ASB13: variants seen among roughly 807,000 people sequenced by gnomAD.
ASB13 encodes ankyrin repeat and SOCS box protein 13.
ASB13 carries 33 observed loss-of-function variants against 28.8 expected under a neutral mutation model. The ratio of observed to expected loss-of-function variants is 1.15; its 90% confidence interval spans 0.87 to 1.53. ASB13 has a LOEUF of 1.53. Among genes scored for constraint, ASB13 ranks in the 40% most tolerant of loss-of-function variants. The pLI is 0.00. For missense variants in ASB13, 414 were observed against 390.1 expected (o/e 1.06, Z -0.52); for synonymous variants, 182 against 172.9 (o/e 1.05, Z -0.41).
chr10:5,660,040 G>A lies in ASB13; in HGVS notation c.43+6469C>T, dbSNP rs537150539. Among the ~76,000 whole-genome samples, 10 of 152,158 alleles carry A rather than the reference G, an allele frequency of 6.6e-5. No homozygotes were observed. The highest frequency in any genetic ancestry group is 1.0e-4 in the Non-Finnish European group (7 of 68,036). Reference sequence around the variant, plus strand: ...TGGTGACTCATGACCCAGTCCTGATGGCTGGATTCTACCCACTTCCTCCTC... The same window carrying A: ...TGGTGACTCATGACCCAGTCCTGATAGCTGGATTCTACCCACTTCCTCCTC... On this transcript the variant is annotated intron_variant, in intron 1 of 5. Transcript: ENST00000357700. This position sits in a 1 kb window ranked among gnomAD's most constrained non-coding sequence, Gnocchi z 6.1.
In ASB13 at chr10:5,640,779, G is replaced by A. The variant is rs548707877; in HGVS notation, c.761C>T (p.Thr254Ile). 6 of 1,614,166 alleles carry A rather than the reference G, an allele frequency of 3.7e-6. No homozygotes were observed. In the African/African-American group the frequency reaches 8.0e-5, roughly 22 times the overall value. Residue 254 changes from threonine (T) to isoleucine (I), a missense_variant, in exon 6 of 6, where the codon ACT (threonine) becomes ATT (isoleucine). Thr to Ile is a moderately conservative substitution (Grantham distance 89, BLOSUM62 -1). Coordinates refer to ENST00000357700, the MANE Select transcript of ASB13 (RefSeq NM_024701.4). The part of the protein sequence containing the change: ...QLCRVNLRKA[T>I]GVRGLEKIAK... ...AATCTTCTCCAGCCCTCGGACGCCA[G>A]TGGCCTTCCTCAAGTTCACCCTGCA... is the stretch of plus-strand genomic sequence containing the variant.
chr10:5,664,955 C>T lies in ASB13; in HGVS notation c.43+1554G>A, dbSNP rs1588522975. On this transcript the variant is annotated intron_variant, in intron 1 of 5. Coordinates refer to ENST00000357700, the MANE Select transcript of ASB13 (RefSeq NM_024701.4). This position sits in a 1 kb window ranked among gnomAD's most constrained non-coding sequence, Gnocchi z 4.2. ...TACTGCAACCTCTGCCTTCCAGGTT[C>T]GAGTGATTCTTCTGCCTCAGTCTCC... Among the ~76,000 whole-genome samples, 1 of 152,250 alleles carries T rather than the reference C, an allele frequency of 6.6e-6. No individual in the cohort carries two copies. The highest frequency in any genetic ancestry group is 2.1e-4 in the South Asian group (1 of 4,822).
At position 5,639,852 on chromosome 10, in the gene ASB13, T is replaced by C. The variant is rs1299771327; in HGVS notation, c.*851A>G. Reference sequence around the variant, plus strand: ...TCCAAACAGGCCTTTGCACTGAGAATGCCGAGCCACGAGAATATACACCTT... The same window carrying C: ...TCCAAACAGGCCTTTGCACTGAGAACGCCGAGCCACGAGAATATACACCTT... On this transcript the variant is annotated 3_prime_UTR_variant, in exon 6 of 6. Transcript: ENST00000357700. 1.3e-5 allele frequency: 2 copies of C among 152,276 alleles called. No individual in the cohort carries two copies. The highest frequency in any genetic ancestry group is 3.9e-4 in the East Asian group (2 of 5,188). 9.4% of individuals were successfully genotyped at this position (152,276 alleles called of 1,614,324 possible).
At position 5,651,288 on chromosome 10, in the gene ASB13, G is replaced by T; in HGVS notation, c.307C>A (p.Leu103Ile). 1 of 1,614,100 alleles carries T rather than the reference G, an allele frequency of 6.2e-7. No individual in the cohort carries two copies. Among genetic ancestry groups the T allele is most frequent in the Non-Finnish European group, 8.5e-7 (1 of 1,180,002 alleles). ...ACCTTGGCCCCGTAGGACAGCAAGA[G>T]CTTCACACACTCGATGCTGCCCGAG... The part of the protein sequence containing the change: ...CASGSIECVK[L>I]LLSYGAKVNP... The change falls in exon 3 of 6, where the codon CTC becomes ATC. Residue 103 changes from leucine to isoleucine, a missense_variant. Leu to Ile is a conservative substitution (Grantham distance 5). Coordinates refer to ENST00000357700, the MANE Select transcript of ASB13 (RefSeq NM_024701.4). This position sits in a 1 kb window ranked among gnomAD's most constrained non-coding sequence, Gnocchi z 5.1.
chr10:5,639,947 C>T lies in ASB13; in HGVS notation c.*756G>A, dbSNP rs1473505652. 1 of 152,588 alleles carries T rather than the reference C, an allele frequency of 6.6e-6. No homozygotes were observed. The highest frequency in any genetic ancestry group is 1.5e-5 in the Non-Finnish European group (1 of 68,048). The allele number at this position is 152,588 out of a possible 1,614,324, so 9.5% of individuals were successfully genotyped here. On this transcript the variant is annotated 3_prime_UTR_variant, in exon 6 of 6. Coordinates refer to ENST00000357700, the MANE Select transcript of ASB13 (RefSeq NM_024701.4). ...AACCTTAGTGGTACCGCCTACGTGT[C>T]CTCTAAAAGGTTTTTATCCTACATA... is the stretch of plus-strand genomic sequence containing the variant.
rs1034854531 is a variant in ASB13 at position 5,651,187 on chromosome 10, G to A, written c.382+26C>T. The A allele has an allele frequency of 5.7e-6, 9 of 1,580,454 alleles. No individual in the cohort carries two copies. Among genetic ancestry groups the A allele is most frequent in the African/African-American group, 5.4e-5 (4 of 73,660 alleles). ...GAGGAAACTTCCAGAGCCCAGCTGG[G>A]CCAGCCCAGCCGTCTGCCAACTCAC... On this transcript the variant is annotated intron_variant, in intron 3 of 5. Coordinates refer to ENST00000357700, the MANE Select transcript of ASB13 (RefSeq NM_024701.4). This position sits in a 1 kb window ranked among gnomAD's most constrained non-coding sequence, Gnocchi z 5.1.
In ASB13 at chr10:5,660,322, C is replaced by T. The variant is rs563504033; in HGVS notation, c.43+6187G>A. On this transcript the variant is annotated intron_variant, in intron 1 of 5. Transcript: ENST00000357700. This position sits in a 1 kb window ranked among gnomAD's most constrained non-coding sequence, Gnocchi z 6.1. Reference sequence around the variant, plus strand: ...CTAGGACCGTGTGCCAGGTGTGGACCTTTCTGGACCCCAGCTCCTCTTCCC... The same window carrying T: ...CTAGGACCGTGTGCCAGGTGTGGACTTTTCTGGACCCCAGCTCCTCTTCCC... Among the ~76,000 whole-genome samples the T allele has an allele frequency of 2.0e-5, 3 of 152,182 alleles. No homozygotes were observed. The highest frequency in any genetic ancestry group is 4.4e-5 in the Non-Finnish European group (3 of 68,040).
At chr10:5,654,869 G>A (rs984921279) in intron 1 of ASB13, among the ~76,000 whole-genome samples, 1 of 152,168 alleles carries the variant, frequency 6.6e-6, no homozygotes, top group South Asian at 2.1e-4. Flanking sequence ...GGCTGAGGCG[G>A]GCGGATCACT....
chr10:5,642,049 G>A lies in ASB13; in HGVS notation c.518-88C>T, dbSNP rs1044130468. On this transcript the variant is annotated intron_variant, in intron 4 of 5. Coordinates refer to ENST00000357700, the MANE Select transcript of ASB13 (RefSeq NM_024701.4). The surrounding 1 kb of genome is among the most constrained non-coding windows in gnomAD (Gnocchi z 4.1). ...CAGGTCCGTTTCGTCACACAGCACGGTGGCAGAAGCAATCCCCACCCAGAA... is the reference window on the plus strand; with the variant it reads ...CAGGTCCGTTTCGTCACACAGCACGATGGCAGAAGCAATCCCCACCCAGAA... 2 of 1,322,812 alleles carry A rather than the reference G, an allele frequency of 1.5e-6. No homozygotes were observed. The highest frequency in any genetic ancestry group is 2.9e-5 in the African/African-American group (2 of 69,448). 81.9% of individuals were successfully genotyped at this position (1,322,812 alleles called of 1,614,324 possible).
At chr10:5,665,046 G>A (rs1217965242) in intron 1 of ASB13, among the ~76,000 whole-genome samples, 1 of 152,144 alleles carries the variant, frequency 6.6e-6, no homozygotes, top group African/African-American at 2.4e-5. Flanking sequence ...TAGTAGAGAC[G>A]GGGTTTCGCC....
chr10:5,659,008 G>C lies in ASB13; in HGVS notation c.44-5958C>G, dbSNP rs138457026. On this transcript the variant is annotated intron_variant, in intron 1 of 5. Transcript: ENST00000357700. The surrounding 1 kb of genome is among the most constrained non-coding windows in gnomAD (Gnocchi z 5.8). ...AATGTGACTCAGCCCTGCAATGGCAGGGTCAGTGTCCCAGGTGAAAAGAAT... is the reference window on the plus strand; with the variant it reads ...AATGTGACTCAGCCCTGCAATGGCACGGTCAGTGTCCCAGGTGAAAAGAAT... Among the ~76,000 whole-genome samples, 272 of 152,336 alleles carry C rather than the reference G, an allele frequency of 1.8e-3. 1 individual carries two copies. The highest frequency in any genetic ancestry group is 6.1e-3 in the African/African-American group (255 of 41,576).
intron 1 of ASB13, among the ~76,000 whole-genome samples, chr10:5,657,570 T>C (rs1588517607): frequency 6.6e-6 from 1 of 152,156 alleles, no homozygotes; most frequent in African/African-American, 2.4e-5. Context: ...GCACTGATGA[T>C]GGGAATATAA....
In ASB13 at chr10:5,644,966, CAG is replaced by C. The variant is rs1311384101; in HGVS notation, c.518-3007_518-3006del. Among the ~76,000 whole-genome samples, 1 of 152,062 alleles carries C rather than the reference CAG, an allele frequency of 6.6e-6. No homozygotes were observed. Among genetic ancestry groups the C allele is most frequent in the Non-Finnish European group, 1.5e-5 (1 of 68,020 alleles). On this transcript the variant is annotated intron_variant, in intron 4 of 5. Transcript: ENST00000357700. This position sits in a 1 kb window ranked among gnomAD's most constrained non-coding sequence, Gnocchi z 5.1. Reference sequence around the variant, plus strand: ...GGCAAGAGAAAGACTGAGGCAGAGACAGAGACACAGAGACAGAGAGAGACAAA... The same window carrying C: ...GGCAAGAGAAAGACTGAGGCAGAGACAGACACAGAGACAGAGAGAGACAAA...
rs1452605617 is a variant in ASB13 at position 5,659,435 on chromosome 10, C to T, written c.44-6385G>A. Among the ~76,000 whole-genome samples the T allele has an allele frequency of 5.3e-5, 8 of 152,198 alleles. No homozygotes were observed. Among genetic ancestry groups the T allele is most frequent in the African/African-American group, 1.9e-4 (8 of 41,442 alleles). On this transcript the variant is annotated intron_variant, in intron 1 of 5. Coordinates refer to ENST00000357700, the MANE Select transcript of ASB13 (RefSeq NM_024701.4). The surrounding 1 kb of genome is among the most constrained non-coding windows in gnomAD (Gnocchi z 5.8). ...AGGTCCACGACCATGCAGTCACAGG[C>T]CCTGTCCCCAGGCTCCCCGTCATGC...
In ASB13 at chr10:5,662,810, A is replaced by G. The variant is rs536024457; in HGVS notation, c.43+3699T>C. ...GATAAATGAAGGATCTCATGGTGACAACTAAAGACAGTGTACGTGACAACC... is the reference window on the plus strand; with the variant it reads ...GATAAATGAAGGATCTCATGGTGACGACTAAAGACAGTGTACGTGACAACC... On this transcript the variant is annotated intron_variant, in intron 1 of 5. Transcript: ENST00000357700. 3.3e-5 allele frequency among the ~76,000 whole-genome samples: 5 copies of G among 152,308 alleles called. No homozygotes were observed. The South Asian group carries it at 1.0e-3, about 32-fold the overall frequency.
rs533801870 is a variant in ASB13 at position 5,649,002 on chromosome 10, T to C, written c.485A>G (p.His162Arg). The change falls in exon 4 of 6, where the codon CAT (histidine) becomes CGT (arginine). Residue 162 changes from histidine (H) to arginine (R), a missense_variant. Coordinates refer to ENST00000357700, the MANE Select transcript of ASB13 (RefSeq NM_024701.4). This position sits in a 1 kb window ranked among gnomAD's most constrained non-coding sequence, Gnocchi z 6.4. ...GAGCAGCACTTTGACACAGTCCAGA[T>C]GCTCCCGGGCACAGGCAACGTGCAG... ...TPLHVACARE[H>R]LDCVKVLLNA... 5.3e-5 allele frequency: 86 copies of C among 1,614,178 alleles called. 1 individual carries two copies. In the South Asian group the frequency reaches 7.5e-4, roughly 14 times the overall value.
chr10:5,662,920 T>C (rs1296972107), intron 1 of ASB13, among the ~76,000 whole-genome samples: 2 of 152,152 alleles, frequency 1.3e-5, no homozygotes, highest in Non-Finnish European at 2.9e-5. Flanking sequence ...AGTTTTAGTG[T>C]CCTTGAAACC....
Position 5,649,618 on chromosome 10 carries a change from C to T in ASB13, c.383-514G>A, listed in dbSNP as rs919601578. ...TCAGCTCACTACAACCGCCATCTCC[C>T]GGGTTAAAGCGATTCTCCCACCTCA... On this transcript the variant is annotated intron_variant, in intron 3 of 5. Transcript: ENST00000357700. This position sits in a 1 kb window ranked among gnomAD's most constrained non-coding sequence, Gnocchi z 6.4. 3.3e-5 allele frequency among the ~76,000 whole-genome samples: 5 copies of T among 151,740 alleles called. No individual in the cohort carries two copies. The highest frequency in any genetic ancestry group is 7.4e-5 in the Non-Finnish European group (5 of 67,958).
At chr10:5,665,899 T>G (rs1035437758) in intron 1 of ASB13, among the ~76,000 whole-genome samples, 1 of 152,020 alleles carries the variant, frequency 6.6e-6, no homozygotes, top group Admixed American at 6.6e-5. Context: ...CCCCAAAGAG[T>G]GTCCTTCCCT....
Sources: allele counts gnomAD v4.1 joint callset (sites outside exome capture counted in the v4.1 genomes callset), GRCh38; gene constraint gnomAD v4.1.1; non-coding constraint Gnocchi (gnomAD v3.1); transcripts MANE v1.5; gene names NCBI Gene and HGNC (gene_info 2026-07-23, HGNC 2026-07-21).